GRIN2D: variants seen among roughly 807,000 people sequenced by gnomAD.
GRIN2D encodes glutamate ionotropic receptor NMDA type subunit 2D.
A neutral mutation model predicts 103.2 loss-of-function variants in GRIN2D; 37 were observed. The observed-to-expected ratio is 0.36, with a 90% CI of 0.28 to 0.47. The LOEUF is 0.47. Ranked by LOEUF, GRIN2D falls within the 20% of genes least tolerant of loss-of-function variation. GRIN2D has a pLI of 1.00. For synonymous variants in GRIN2D, 845 were observed against 885.6 expected (o/e 0.95, Z 0.81); for missense variants, 1,557 against 1,910.6 (o/e 0.81, Z 3.45).
chr19:48,429,714 A>AAT (rs748417485), intron 11 of GRIN2D, among the ~76,000 whole-genome samples: 2 of 129,794 alleles, frequency 1.5e-5, no homozygotes, highest in Non-Finnish European at 3.2e-5. Flanking sequence ...TTAATTTTTT[A>AAT]ATGTGTGTGT....
rs764272643 is a variant in GRIN2D at position 48,401,419 on chromosome 19, C to T, written c.465+2562C>T. On this transcript the variant is annotated intron_variant, in intron 3 of 13. Coordinates refer to ENST00000263269, the MANE Select transcript of GRIN2D (RefSeq NM_000836.4). The stretch of plus-strand genomic sequence containing the variant: ...GGATGGAGTTTCAATAGATGGCAGT[C>T]AGGGGAGGCCTCCCTGAGGCGGTGA... Among the ~76,000 whole-genome samples the T allele has an allele frequency of 1.9e-4, 29 of 152,226 alleles. No individual in the cohort carries two copies. In the Middle Eastern group the frequency reaches 0.014, roughly 71 times the overall value.
chr19:48,407,376 C>T (rs1481252196), intron 4 of GRIN2D, among the ~76,000 whole-genome samples: 6 of 152,210 alleles, frequency 3.9e-5, no homozygotes, highest in Non-Finnish European at 7.4e-5. Flanking sequence ...CTCTCCCAGA[C>T]GCTGTTCAGT....
rs748508156 is a variant in GRIN2D, at chr19:48,419,249, C to T, written c.1751C>T (p.Ala584Val). 3 of 1,609,650 alleles carry T rather than the reference C, an allele frequency of 1.9e-6. No homozygotes were observed. The highest frequency in any genetic ancestry group is 8.5e-7 in the Non-Finnish European group (1 of 1,179,158). ...TTGTCCCCAGAGCCCTACAGCCCCG[C>T]CGTGTGGGTGATGATGTTCGTCATG... Reference protein sequence around the residue: ...PSAFLEPYSPAVWVMMFVMCL... With the variant: ...PSAFLEPYSPVVWVMMFVMCL... Residue 584 changes from alanine to valine, a missense_variant, in exon 9 of 14, where the codon GCC (alanine) becomes GTC (valine). Coordinates refer to ENST00000263269, the MANE Select transcript of GRIN2D (RefSeq NM_000836.4).
Position 48,414,095 on chromosome 19 carries a change from C to T in GRIN2D, c.1190C>T (p.Thr397Met), listed in dbSNP as rs150870505. Residue 397 changes from threonine to methionine, a missense_variant, in exon 5 of 14, where the codon ACG (threonine) becomes ATG (methionine). Around this residue, in one of 7 missense-constraint regions of GRIN2D, gnomAD observed 490 missense variants for 601.1 expected, o/e 0.82. Coordinates refer to ENST00000263269, the MANE Select transcript of GRIN2D (RefSeq NM_000836.4). The surrounding 1 kb of genome is among the most constrained non-coding windows in gnomAD (Gnocchi z 4.6). ...LVVISLTRDR[T>M]WEVVGSWEQQ... ...GTCATCTCCCTCACCAGAGACAGGA[C>T]GTGGGAGGTGGTGAGTCGTAGCCCC... 1.3e-4 allele frequency: 204 copies of T among 1,592,278 alleles called. No homozygotes were observed. The highest frequency in any genetic ancestry group is 1.6e-4 in the Non-Finnish European group (184 of 1,160,290).
chr19:48,397,286 CTCTT>C (rs761677280), intron 2 of GRIN2D, among the ~76,000 whole-genome samples: 2 of 152,074 alleles, frequency 1.3e-5, no homozygotes, highest in African/African-American at 4.8e-5. Context: ...ACTAATTTCT[CTCTT>C]TCTCTCCCCA....
At chr19:48,397,129 C>A (rs1463810305) in intron 2 of GRIN2D, among the ~76,000 whole-genome samples, 1 of 152,108 alleles carries the variant, frequency 6.6e-6, no homozygotes, top group African/African-American at 2.4e-5. Flanking sequence ...GCTGTGCCCC[C>A]CAACCCCACA....
At chr19:48,417,070 G>T (rs1224721028) in intron 8 of GRIN2D, among the ~76,000 whole-genome samples, 1 of 152,046 alleles carries the variant, frequency 6.6e-6, no homozygotes, top group Non-Finnish European at 1.5e-5. Flanking sequence ...AGAAGATGGT[G>T]TGGGGATATA....
intron 11 of GRIN2D, among the ~76,000 whole-genome samples, chr19:48,440,861 A>C (rs1280740506): frequency 6.6e-6 from 1 of 151,700 alleles, no homozygotes; most frequent in African/African-American, 2.4e-5. Context: ...TAATTTTTGT[A>C]TTTTCAGTAG....
intron 10 of GRIN2D, 82 bp downstream of exon 10, chr19:48,419,896 A>T: frequency 7.8e-6 from 1 of 127,832 alleles, no homozygotes; most frequent in Non-Finnish European, 1.4e-5. Context: ...ATTAGAGGGG[A>T]TTCTTGCGGG....
At chr19:48,424,472 G>A (rs1319513605) in intron 11 of GRIN2D, among the ~76,000 whole-genome samples, 12 of 150,818 alleles carry the variant, frequency 8.0e-5, no homozygotes, top group Admixed American at 1.3e-4. Flanking sequence ...GGGTTTCACC[G>A]TGTTAGCCAG....
chr19:48,427,506 GTC>G (rs1971102269), intron 11 of GRIN2D, among the ~76,000 whole-genome samples: 1 of 113,238 alleles, frequency 8.8e-6, no homozygotes. Context: ...TTGAGACAGA[GTC>G]TCACTCTGTT....
rs964674037 is a variant in GRIN2D at position 48,442,483 on chromosome 19, T to G, written c.2673+101T>G. 1.3e-6 allele frequency: 2 copies of G among 1,522,100 alleles called. No individual in the cohort carries two copies. Among genetic ancestry groups the G allele is most frequent in the African/African-American group, 2.7e-5 (2 of 73,176 alleles). The allele number at this position is 1,522,100 out of a possible 1,614,324, so 94.3% of individuals were successfully genotyped here. On this transcript the variant is annotated intron_variant, in intron 13 of 13. Coordinates refer to ENST00000263269, the MANE Select transcript of GRIN2D (RefSeq NM_000836.4). The surrounding 1 kb of genome is among the most constrained non-coding windows in gnomAD (Gnocchi z 7.2). Reference sequence around the variant, plus strand: ...GAGATGTGGGTCGAGATGTGGATAGTGGGGAAGAGAGCGGGAAACACAGGC... The same window carrying G: ...GAGATGTGGGTCGAGATGTGGATAGGGGGGAAGAGAGCGGGAAACACAGGC...
At chr19:48,399,233 AG>A (rs1256225177) in intron 3 of GRIN2D, among the ~76,000 whole-genome samples, 1 of 151,926 alleles carries the variant, frequency 6.6e-6, no homozygotes. Context: ...AATCTGAGGG[AG>A]GGGTGGGACC....
At position 48,439,585 on chromosome 19, in the gene GRIN2D, C is replaced by T. The variant is rs190422386; in HGVS notation, c.2253-2184C>T. On this transcript the variant is annotated intron_variant, in intron 11 of 13. Coordinates refer to ENST00000263269, the MANE Select transcript of GRIN2D (RefSeq NM_000836.4). ...CAGCATGTGCCATAACAAATGCATC[C>T]ATGAGAACTAACTCCACAGCCCTGC... 1.6e-4 allele frequency among the ~76,000 whole-genome samples: 24 copies of T among 152,324 alleles called. No individual in the cohort carries two copies. The East Asian group carries it at 4.4e-3, about 28-fold the overall frequency.
chr19:48,428,801 A>C (rs1333728830), intron 11 of GRIN2D, among the ~76,000 whole-genome samples: 2 of 152,194 alleles, frequency 1.3e-5, no homozygotes, highest in African/African-American at 4.8e-5. Flanking sequence ...CTAGGACTTC[A>C]ATATGTGAAT....
At chr19:48,398,982 T>C (rs1371646937) in intron 3 of GRIN2D, 125 bp downstream of exon 3, 1 of 892,398 alleles carries the variant, frequency 1.1e-6, no homozygotes, top group Non-Finnish European at 1.5e-6. Flanking sequence ...GGTCCGAGTC[T>C]GGGACAAGGT....
chr19:48,397,322 CTCA>C (rs1208341740), intron 2 of GRIN2D, among the ~76,000 whole-genome samples: 1 of 152,138 alleles, frequency 6.6e-6, no homozygotes, highest in African/African-American at 2.4e-5. Flanking sequence ...CCTTTTCCCT[CTCA>C]TTTTTTCTCT....
chr19:48,442,117 CA>C lies in GRIN2D; in HGVS notation c.2441-32del. 1 of 1,591,806 alleles carries C rather than the reference CA, an allele frequency of 6.3e-7. No homozygotes were observed. The highest frequency in any genetic ancestry group is 8.6e-7 in the Non-Finnish European group (1 of 1,160,520). On this transcript the variant is annotated intron_variant, in intron 12 of 13. Transcript: ENST00000263269. The surrounding 1 kb of genome is among the most constrained non-coding windows in gnomAD (Gnocchi z 7.2). ...CAGACAAGGGTCCTCAGAGGGTACT[CA>C]TAGCAGGTGACTTTTGACCGCCCCT...
At chr19:48,440,400 C>T (rs930993635) in intron 11 of GRIN2D, among the ~76,000 whole-genome samples, 2 of 152,040 alleles carry the variant, frequency 1.3e-5, no homozygotes, top group African/African-American at 4.8e-5. Flanking sequence ...AGAGCCCAGC[C>T]TGGGCAACAT....
Sources: allele counts gnomAD v4.1 joint callset (sites outside exome capture counted in the v4.1 genomes callset), GRCh38; gene constraint gnomAD v4.1.1; regional missense constraint gnomAD v4.1.1; non-coding constraint Gnocchi (gnomAD v3.1); transcripts MANE v1.5; gene names NCBI Gene and HGNC (gene_info 2026-07-23, HGNC 2026-07-21).